Variants in ACAP1 observed in about 807,000 individuals in gnomAD.
ACAP1 encodes the protein arf-GAP with coiled-coil, ANK repeat and PH domain-containing protein 1.
In ACAP1, 45 loss-of-function variants were observed where a neutral mutation model predicts 98.8. That is an observed-to-expected ratio of 0.46 (90% confidence interval 0.36 to 0.58). The LOEUF (loss-of-function observed/expected upper bound fraction) is 0.58. Ranked by LOEUF, ACAP1 falls within the 20% of genes least tolerant of loss-of-function variation. ACAP1 has a pLI of 0.00. For missense variants in ACAP1, 735 were observed against 971.4 expected (o/e 0.76, Z 3.24); for synonymous variants, 362 against 375.3 (o/e 0.96, Z 0.41).
At chr17:7,351,244 C>T in intron 21 of ACAP1, 51 bp from the exon 22 acceptor site, 2 of 1,474,528 alleles carry the variant, frequency 1.4e-6, no homozygotes, top group Non-Finnish European at 1.9e-6. Flanking sequence ...CCGGATCCTG[C>T]CCTTCTGCAC....
rs368214048 is a variant in ACAP1 at position 7,347,738 on chromosome 17, C to T, written c.1344-184C>T. On this transcript the variant is annotated intron_variant, in intron 14 of 21. Coordinates refer to ENST00000158762, the MANE Select transcript of ACAP1 (RefSeq NM_014716.4). ...AGAAGGAATGGTGACGAGGCAGAGT[C>T]CTGCCAGGGCCAGGTCAAGGCTACA... 33 of 605,538 alleles carry T rather than the reference C, an allele frequency of 5.4e-5. No individual in the cohort carries two copies. In the East Asian group the frequency reaches 6.9e-4, roughly 13 times the overall value. The allele number at this position is 605,538 out of a possible 1,614,324, so 37.5% of individuals were successfully genotyped here.
intron 17 of ACAP1, chr17:7,348,757 A>AGT (rs2073373199): frequency 1.7e-6 from 1 of 583,700 alleles, no homozygotes; most frequent in South Asian, 2.5e-5. Context: ...GCTGAGGCCA[A>AGT]GTGTGGTTGG....
At chr17:7,346,179 A>C (rs1597652794) in intron 10 of ACAP1, 65 bp from the exon 11 acceptor site, 1 of 1,509,984 alleles carries the variant, frequency 6.6e-7, no homozygotes, top group East Asian at 2.3e-5. Flanking sequence ...GGCAAAAAGC[A>C]CAGCCTCTCT....
chr17:7,342,585 G>T, intron 5 of ACAP1, 111 bp downstream of exon 5: 1 of 1,216,134 alleles, frequency 8.2e-7, no homozygotes. Context: ...AGCCAACATG[G>T]CGAAACTGTC....
chr17:7,340,259 C>A (rs531483731), intron 2 of ACAP1, among the ~76,000 whole-genome samples: 1 of 151,984 alleles, frequency 6.6e-6, no homozygotes, highest in Non-Finnish European at 1.5e-5. Context: ...GCGACAGAGA[C>A]CTCAACTCTA....
At chr17:7,345,148 G>A (rs1408581426) in intron 10 of ACAP1, among the ~76,000 whole-genome samples, 1 of 151,128 alleles carries the variant, frequency 6.6e-6, no homozygotes, top group Non-Finnish European at 1.5e-5. Flanking sequence ...GTAGGGATTT[G>A]GGGTCTACTC....
rs200375671 is a variant in ACAP1 at position 7,343,345 on chromosome 17, T to C, written c.345-34T>C. The C allele has an allele frequency of 9.4e-6, 15 of 1,588,708 alleles. No homozygotes were observed. The East Asian group carries it at 2.9e-4, about 31-fold the overall frequency. On this transcript the variant is annotated intron_variant, in intron 5 of 21. Transcript: ENST00000158762. This position sits in a 1 kb window ranked among gnomAD's most constrained non-coding sequence, Gnocchi z 4.9. ...ATGCTCTGCTGGGGCAGGTGGGTGT[T>C]AGCTGCGATTCTGTGTTATTTTCCC...
At position 7,343,885 on chromosome 17, in the gene ACAP1, G is replaced by T. The variant is rs139824918; in HGVS notation, c.598G>T (p.Ala200Ser). 15 of 1,613,216 alleles carry T rather than the reference G, an allele frequency of 9.3e-6. No individual in the cohort carries two copies. Among genetic ancestry groups the T allele is most frequent in the Non-Finnish European group, 1.3e-5 (15 of 1,179,658 alleles). Residue 200 changes from alanine to serine, a missense_variant, in exon 8 of 22, where the codon GCT (alanine) becomes TCT (serine). Around this residue, in one of 5 missense-constraint regions of ACAP1, gnomAD observed 430 missense variants for 531.8 expected, o/e 0.81. Coordinates refer to ENST00000158762, the MANE Select transcript of ACAP1 (RefSeq NM_014716.4). The surrounding 1 kb of genome is among the most constrained non-coding windows in gnomAD (Gnocchi z 4.9). ...GGTGCTGCGTTTGGTGGAGGCCCAGGCTACCCATTTCCAGCAGGGCCATGA... is the reference window on the plus strand; with the variant it reads ...GGTGCTGCGTTTGGTGGAGGCCCAGTCTACCCATTTCCAGCAGGGCCATGA... The part of the protein sequence containing the change: ...EFVLRLVEAQ[A>S]THFQQGHEEL...
At chr17:7,342,156 G>A in intron 3 of ACAP1, 89 bp downstream of exon 3, 1 of 1,606,646 alleles carries the variant, frequency 6.2e-7, no homozygotes, top group Non-Finnish European at 8.5e-7. Context: ...GGGTCTGCAG[G>A]TTCCAGGCCA....
At position 7,346,349 on chromosome 17, in the gene ACAP1, C is replaced by A. The variant is rs559211264; in HGVS notation, c.907-42C>A. 154 of 1,613,888 alleles carry A rather than the reference C, an allele frequency of 9.5e-5. No individual in the cohort carries two copies. In the South Asian group the frequency reaches 1.6e-3, roughly 17 times the overall value. ...GGCCCCAGGGAGACTCAGCTCTTGC[C>A]TGCAGCTGGACATCTGGCCCCTTAT... On this transcript the variant is annotated intron_variant, in intron 11 of 21. Coordinates refer to ENST00000158762, the MANE Select transcript of ACAP1 (RefSeq NM_014716.4).
At chr17:7,347,818 GC>G (rs1436944885) in intron 14 of ACAP1, 103 bp from the exon 15 acceptor site, 1 of 935,434 alleles carries the variant, frequency 1.1e-6, no homozygotes, top group Non-Finnish European at 1.7e-6. Flanking sequence ...CTCTGCACGG[GC>G]CCCCATGCCA....
At chr17:7,349,286 G>C in intron 18 of ACAP1, 119 bp downstream of exon 18, 3 of 1,126,650 alleles carry the variant, frequency 2.7e-6, no homozygotes, top group Non-Finnish European at 3.7e-6. Flanking sequence ...CACCCATAGG[G>C]AGAGATCAAC....
At position 7,350,395 on chromosome 17, in the gene ACAP1, GCTGCGCGAAGTGTGCA is replaced by G. The variant is rs982479284; in HGVS notation, c.2072+162_2072+177del. ...AGCGCCGGGGCCAGGCTCGAGAAAGGCTGCGCGAAGTGTGCACTGGGACGTGGAGTAGAAGGCAGGC... is the reference window on the plus strand; with the variant it reads ...AGCGCCGGGGCCAGGCTCGAGAAAGGCTGGGACGTGGAGTAGAAGGCAGGC... On this transcript the variant is annotated intron_variant, in intron 20 of 21. Transcript: ENST00000158762. This position sits in a 1 kb window ranked among gnomAD's most constrained non-coding sequence, Gnocchi z 4.6. 2.3e-5 allele frequency: 15 copies of G among 640,522 alleles called. 1 individual carries two copies. The Admixed American group carries it at 3.5e-4, about 15-fold the overall frequency. 39.7% of individuals were successfully genotyped at this position (640,522 alleles called of 1,614,324 possible).
intron 2 of ACAP1, among the ~76,000 whole-genome samples, chr17:7,340,342 G>A (rs984905444): frequency 1.3e-5 from 2 of 152,198 alleles, no homozygotes; most frequent in Non-Finnish European, 2.9e-5. Flanking sequence ...TCAACAGTTT[G>A]TTCCTTTTTA....
Position 7,348,230 on chromosome 17 carries a change from G to A in ACAP1, c.1508+9G>A. 4 of 1,613,014 alleles carry A rather than the reference G, an allele frequency of 2.5e-6. No homozygotes were observed. In the South Asian group the frequency reaches 4.4e-5, roughly 18 times the overall value. The stretch of plus-strand genomic sequence containing the variant: ...GGGCCCAGCTGCTCCCGGTGAGCTT[G>A]GGGTTTAGCCTCCCAGGGGAATGGG... On this transcript the variant is annotated intron_variant, in intron 16 of 21. Transcript: ENST00000158762.
chr17:7,339,025 T>A (rs549211081), intron 2 of ACAP1, among the ~76,000 whole-genome samples: 69 of 148,372 alleles, frequency 4.7e-4, no homozygotes, highest in African/African-American at 1.6e-3. Flanking sequence ...GTGTGGTGGC[T>A]CACGCCTGTA....
Position 7,343,974 on chromosome 17 carries a change from A to T in ACAP1, c.669+18A>T. 2 of 1,578,026 alleles carry T rather than the reference A, an allele frequency of 1.3e-6. No homozygotes were observed. The highest frequency in any genetic ancestry group is 1.7e-6 in the Non-Finnish European group (2 of 1,161,224). On this transcript the variant is annotated intron_variant, in intron 8 of 21. Coordinates refer to ENST00000158762, the MANE Select transcript of ACAP1 (RefSeq NM_014716.4). The surrounding 1 kb of genome is among the most constrained non-coding windows in gnomAD (Gnocchi z 4.9). ...GCGCCCAGGTGGGGCCCCAGGGCAC[A>T]GCAGGTGGTAGAGGGAGGTTAGGGA...
chr17:7,336,863 C>T, intron 1 of ACAP1, 76 bp downstream of exon 1: 1 of 1,515,872 alleles, frequency 6.6e-7, no homozygotes, highest in Non-Finnish European at 9.2e-7. Flanking sequence ...TTTCCCCAGG[C>T]CAGGTCTCCT....
chr17:7,350,245 T>A lies in ACAP1; in HGVS notation c.2072+8T>A, dbSNP rs1215372383. 6.2e-7 allele frequency: 1 copy of A among 1,602,550 alleles called. No homozygotes were observed. Among genetic ancestry groups the A allele is most frequent in the Admixed American group, 1.7e-5 (1 of 59,672 alleles). ...CGCTGACATCGTCACCCTGTAAGAA[T>A]GCCTGAAGGGGCGGGGCTGGCGCTG... On this transcript the variant is annotated splice_region_variant and intron_variant, in intron 20 of 21. Transcript: ENST00000158762. The surrounding 1 kb of genome is among the most constrained non-coding windows in gnomAD (Gnocchi z 4.6).
Sources: allele counts gnomAD v4.1 joint callset (sites outside exome capture counted in the v4.1 genomes callset), GRCh38; gene constraint gnomAD v4.1.1; regional missense constraint gnomAD v4.1.1; non-coding constraint Gnocchi (gnomAD v3.1); transcripts MANE v1.5; gene names NCBI Gene and HGNC (gene_info 2026-07-23, HGNC 2026-07-21).